RABGEF1: variants seen among roughly 807,000 people sequenced by gnomAD.
RABGEF1 encodes RAB guanine nucleotide exchange factor 1, also known as rab5 GDP/GTP exchange factor.
RABGEF1 carries 26 observed loss-of-function variants against 57.3 expected under a neutral mutation model. The ratio of observed to expected loss-of-function variants is 0.45; its 90% confidence interval spans 0.33 to 0.63. The LOEUF (loss-of-function observed/expected upper bound fraction) is 0.63, where lower values mean the gene tolerates loss of function less well. Ranked by LOEUF, RABGEF1 falls within the 20% of genes least tolerant of loss-of-function variation. The pLI, the probability that RABGEF1 is intolerant of heterozygous loss-of-function variation, is 0.02. For missense variants in RABGEF1, 464 were observed against 607.6 expected, an observed-to-expected ratio of 0.76 and a Z score of 2.48; for synonymous variants, 185 against 210.7, an observed-to-expected ratio of 0.88 and a Z score of 1.06.
chr7:66,746,770 C>T (rs1293565750), intron 1 of RABGEF1, among the ~76,000 whole-genome samples: 1 of 149,270 alleles, frequency 6.7e-6, no homozygotes, highest in Non-Finnish European at 1.5e-5. Flanking sequence ...AATATGGGCT[C>T]CTGCCACCAC....
At chr7:66,752,870 G>A (rs1165010602) in intron 1 of RABGEF1, among the ~76,000 whole-genome samples, 1 of 152,206 alleles carries the variant, frequency 6.6e-6, no homozygotes, top group East Asian at 1.9e-4. Flanking sequence ...GGGCCCTGGA[G>A]AGTGTGGAAG....
chr7:66,705,683 A>AT (rs1293372785), intron 1 of RABGEF1, among the ~76,000 whole-genome samples: 2 of 151,570 alleles, frequency 1.3e-5, no homozygotes, highest in Non-Finnish European at 2.9e-5. Context: ...TTTCAGTTTG[A>AT]TAGATACAAG....
chr7:66,744,485 G>A (rs1169051413), intron 1 of RABGEF1, among the ~76,000 whole-genome samples: 6 of 151,794 alleles, frequency 4.0e-5, no homozygotes, highest in African/African-American at 1.5e-4. Context: ...TGGCTAACAC[G>A]GTGAAACCCT....
At chr7:66,780,253 T>C (rs1342589978) in intron 3 of RABGEF1, among the ~76,000 whole-genome samples, 8 of 151,616 alleles carry the variant, frequency 5.3e-5, no homozygotes, top group Non-Finnish European at 1.0e-4. Flanking sequence ...TAGTCAGTTG[T>C]TAATAGTCAA....
At chr7:66,686,191 G>T (rs1186159872) in intron 1 of RABGEF1, among the ~76,000 whole-genome samples, 1 of 151,070 alleles carries the variant, frequency 6.6e-6, no homozygotes, top group Non-Finnish European at 1.5e-5. Flanking sequence ...TGAGGCACAA[G>T]AATCTCTTGA....
upstream of RABGEF1, among the ~76,000 whole-genome samples, chr7:66,681,232 T>C (rs535588055): frequency 1.3e-5 from 2 of 152,334 alleles, no homozygotes; most frequent in South Asian, 4.1e-4. Context: ...CCTTTCACCA[T>C]AGATGGCATC....
At chr7:66,656,568 TC>T in the RABGEF1 span, among the ~76,000 whole-genome samples, 2 of 152,094 alleles carry the variant, frequency 1.3e-5, no homozygotes, top group African/African-American at 4.8e-5. Flanking sequence ...ATGCCTGTAA[TC>T]CCAGCACTTT....
At chr7:66,658,080 G>C in the RABGEF1 span, among the ~76,000 whole-genome samples, 4 of 152,100 alleles carry the variant, frequency 2.6e-5, no homozygotes, top group African/African-American at 7.2e-5. Context: ...TCCAAAATCA[G>C]AAATGAAAAT....
chr7:66,711,556 G>C (rs1315511665), intron 1 of RABGEF1, among the ~76,000 whole-genome samples: 1 of 151,498 alleles, frequency 6.6e-6, no homozygotes, highest in Non-Finnish European at 1.5e-5. Context: ...TCTGTTGGCT[G>C]TATTTCTGTG....
intron 2 of RABGEF1, among the ~76,000 whole-genome samples, chr7:66,720,444 C>T (rs1014835078): frequency 2.0e-5 from 3 of 151,362 alleles, no homozygotes; most frequent in Non-Finnish European, 4.4e-5. Flanking sequence ...GCGATCCACT[C>T]ACCTCAGCCT....
chr7:66,711,660 C>T (rs561086090), intron 1 of RABGEF1, among the ~76,000 whole-genome samples: 5 of 151,924 alleles, frequency 3.3e-5, no homozygotes, highest in East Asian at 1.9e-4. Flanking sequence ...AATCTCGGCT[C>T]GCTGCAAGCT....
intron 1 of RABGEF1, among the ~76,000 whole-genome samples, chr7:66,711,436 G>T (rs1794767610): frequency 6.7e-6 from 1 of 150,250 alleles, no homozygotes; most frequent in Non-Finnish European, 1.5e-5. Flanking sequence ...AAGCTGTGAG[G>T]TTAGGTTGAA....
chr7:66,677,474 A>G (rs542156977), upstream of RABGEF1, among the ~76,000 whole-genome samples: 2 of 152,158 alleles, frequency 1.3e-5, no homozygotes, highest in South Asian at 4.1e-4. Context: ...GTTTATAGAA[A>G]TCTACAGGCT....
chr7:66,795,414 CAGTA>C, intron 4 of RABGEF1, 93 bp from the exon 5 acceptor site: 3 of 941,822 alleles, frequency 3.2e-6, no homozygotes, highest in Non-Finnish European at 5.2e-6. Context: ...GGCTTACTAC[CAGTA>C]CAAGGAATGG....
intron 1 of RABGEF1, among the ~76,000 whole-genome samples, chr7:66,766,304 CAAA>C (rs80149477): frequency 1.0e-5 from 1 of 98,534 alleles, no homozygotes; most frequent in African/African-American, 4.0e-5. Flanking sequence ...CCCTGTCTTC[CAAA>C]AAAAAAAAAA....
upstream of RABGEF1, among the ~76,000 whole-genome samples, chr7:66,677,587 C>G (rs1183460222): frequency 6.6e-6 from 1 of 151,816 alleles, no homozygotes; most frequent in African/African-American, 2.4e-5. Context: ...ATGGTGAAAC[C>G]CTGTCTCTAC....
chr7:66,711,109 G>C (rs1794722201), intron 1 of RABGEF1, among the ~76,000 whole-genome samples: 1 of 152,210 alleles, frequency 6.6e-6, no homozygotes, highest in South Asian at 2.1e-4. Context: ...GCAGTGAGCT[G>C]TGATTGCACC....
At chr7:66,664,165 A>G in the RABGEF1 span, among the ~76,000 whole-genome samples, 3 of 152,136 alleles carry the variant, frequency 2.0e-5, no homozygotes, top group African/African-American at 7.2e-5. Context: ...ATTGATCCAC[A>G]GAAAGGTCAT....
chr7:66,706,886 A>T (rs1229582517), intron 1 of RABGEF1, among the ~76,000 whole-genome samples: 7 of 139,918 alleles, frequency 5.0e-5, no homozygotes, highest in Admixed American at 3.1e-4. Flanking sequence ...GGTTCACGCC[A>T]TTCTCCTGCC....
Sources: allele counts gnomAD v4.1 joint callset (sites outside exome capture counted in the v4.1 genomes callset), GRCh38; gene constraint gnomAD v4.1.1; transcripts MANE v1.5; gene names NCBI Gene and HGNC (gene_info 2026-07-23, HGNC 2026-07-21).